The following MOB3A variants were observed in gnomAD, a reference collection of about 807,000 sequenced individuals.
The protein encoded by MOB3A is MOB kinase activator 3A, also known as MOB LAK.
In MOB3A, 17 loss-of-function variants were observed where a neutral mutation model predicts 17.8. The observed-to-expected ratio is 0.95, with a 90% CI of 0.65 to 1.43. The LOEUF (loss-of-function observed/expected upper bound fraction) is 1.43. Among genes scored for constraint, MOB3A ranks in the 40% most tolerant of loss-of-function variants. The probability of loss-of-function intolerance (pLI) is 0.00; values close to 1 mark genes in which losing one functional copy is unlikely to be tolerated. For missense variants in MOB3A, 333 were observed against 310.8 expected (o/e 1.07, Z -0.54); for synonymous variants, 124 against 133.2 (o/e 0.93, Z 0.48).
At chr19:2,081,714 T>C (rs1002188831) in intron 2 of MOB3A, among the ~76,000 whole-genome samples, 1 of 151,858 alleles carries the variant, frequency 6.6e-6, no homozygotes, top group Admixed American at 6.6e-5. Context: ...TGAAACCCTG[T>C]CTCTACTAAA....
chr19:2,083,170 G>A (rs2017511020), intron 2 of MOB3A, among the ~76,000 whole-genome samples: 1 of 152,156 alleles, frequency 6.6e-6, no homozygotes, highest in African/African-American at 2.4e-5. Context: ...TCCCAAGGAA[G>A]GAGTAATCCC....
intron 4 of MOB3A, among the ~76,000 whole-genome samples, chr19:2,074,731 C>T (rs2017382379): frequency 6.7e-6 from 1 of 148,608 alleles, no homozygotes; most frequent in Non-Finnish European, 1.5e-5. Flanking sequence ...TTTTTTTTTT[C>T]CCCTGAGACA....
In MOB3A at chr19:2,076,961, C is replaced by A. The variant is rs2017418394; in HGVS notation, c.474G>T (p.Arg158=). ...FLQTVRKILS[R]LFRVFVHVYI... ...AGACGTGCACGAACACGCGGAACAGCCGCGACAGGATCTTCCGCACCGTCT... is the reference window on the plus strand; with the variant it reads ...AGACGTGCACGAACACGCGGAACAGACGCGACAGGATCTTCCGCACCGTCT... The change falls in exon 4 of 5, where the codon CGG becomes CGT. Residue 158 remains arginine (R), a synonymous_variant. Coordinates refer to ENST00000357066, the MANE Select transcript of MOB3A (RefSeq NM_130807.3). The A allele has an allele frequency of 1.2e-6, 2 of 1,613,760 alleles. No homozygotes were observed. Among genetic ancestry groups the A allele is most frequent in the Non-Finnish European group, 1.7e-6 (2 of 1,180,012 alleles).
chr19:2,088,201 G>A (rs1363160038), intron 1 of MOB3A, among the ~76,000 whole-genome samples: 1 of 152,202 alleles, frequency 6.6e-6, no homozygotes, highest in Non-Finnish European at 1.5e-5. Context: ...CAGTGCCCAG[G>A]ATACCCCACC....
intron 1 of MOB3A, among the ~76,000 whole-genome samples, chr19:2,092,867 C>T (rs921890669): frequency 4.6e-5 from 7 of 152,158 alleles, no homozygotes; most frequent in Admixed American, 1.3e-4. Flanking sequence ...TGTGTGCAGC[C>T]AGGCACACGC....
At chr19:2,081,512 C>CG (rs1382020414) in intron 2 of MOB3A, among the ~76,000 whole-genome samples, 1 of 149,408 alleles carries the variant, frequency 6.7e-6, no homozygotes, top group Non-Finnish European at 1.5e-5. Flanking sequence ...CGCTTGAACC[C>CG]GGGGGACAAA....
Position 2,076,897 on chromosome 19 carries a change from C to T in MOB3A, c.538G>A (p.Glu180Lys). Residue 180 changes from glutamate to lysine, a missense_variant, in exon 4 of 5, where the codon GAG becomes AAG. Coordinates refer to ENST00000357066, the MANE Select transcript of MOB3A (RefSeq NM_130807.3). Reference sequence around the variant, plus strand: ...TTGTAGCAGGTGTTCACGTGGGCCTCGGAGCCCATCTGCGCGATGCGGTCA... The same window carrying T: ...TTGTAGCAGGTGTTCACGTGGGCCTTGGAGCCCATCTGCGCGATGCGGTCA... ...HFDRIAQMGS[E>K]AHVNTCYKHF... is the part of the protein sequence containing the mutation. 1.9e-6 allele frequency: 3 copies of T among 1,614,078 alleles called. No homozygotes were observed. The highest frequency in any genetic ancestry group is 1.7e-6 in the Non-Finnish European group (2 of 1,180,040).
chr19:2,087,276 G>C (rs1160024046), intron 1 of MOB3A, among the ~76,000 whole-genome samples: 1 of 152,204 alleles, frequency 6.6e-6, no homozygotes, highest in African/African-American at 2.4e-5. Flanking sequence ...TACAGTTCAG[G>C]AGTACAGTTA....
rs1213709875 is a variant in MOB3A at position 2,073,052 on chromosome 19, G to C, written c.*343C>G. On this transcript the variant is annotated 3_prime_UTR_variant, in exon 5 of 5. Transcript: ENST00000357066. ...CGAGGTGGAGGCAGAAGTTCCAGGA[G>C]CCTGGGAGCCACCCAGGGCAAGGAG... 5.8e-6 allele frequency: 2 copies of C among 342,944 alleles called. No individual in the cohort carries two copies. The highest frequency in any genetic ancestry group is 4.2e-5 in the African/African-American group (2 of 47,186). The allele number at this position is 342,944 out of a possible 1,614,324, so 21.2% of individuals were successfully genotyped here. A position where few individuals can be genotyped will look rare whatever the true frequency, so the allele number is the denominator to read the frequency against.
At chr19:2,083,925 GC>G (rs2017520855) in intron 2 of MOB3A, among the ~76,000 whole-genome samples, 1 of 151,990 alleles carries the variant, frequency 6.6e-6, no homozygotes, top group Non-Finnish European at 1.5e-5. Context: ...GTTCCCACAG[GC>G]CCCCGCTTGT....
chr19:2,081,888 A>T (rs1422029751), intron 2 of MOB3A, among the ~76,000 whole-genome samples: 1 of 152,178 alleles, frequency 6.6e-6, no homozygotes, highest in African/African-American at 2.4e-5. Flanking sequence ...TGTCTCAAAA[A>T]CACAACACAA....
chr19:2,092,724 C>T (rs1187448909), intron 1 of MOB3A, among the ~76,000 whole-genome samples: 1 of 136,844 alleles, frequency 7.3e-6, no homozygotes, highest in African/African-American at 2.8e-5. Flanking sequence ...CGCCACTGCA[C>T]TCCAGCCTGG....
At chr19:2,084,580 C>T (rs750310311) in intron 2 of MOB3A, among the ~76,000 whole-genome samples, 10 of 151,752 alleles carry the variant, frequency 6.6e-5, no homozygotes, top group Non-Finnish European at 1.2e-4. Context: ...TCACAGCAGA[C>T]GGTTTTTTTT....
chr19:2,075,139 C>G (rs528170556), intron 4 of MOB3A, among the ~76,000 whole-genome samples: 1 of 152,200 alleles, frequency 6.6e-6, no homozygotes, highest in South Asian at 2.1e-4. Context: ...AGCAATTCTC[C>G]TGTCTCAGCC....
intron 2 of MOB3A, among the ~76,000 whole-genome samples, chr19:2,079,731 T>C (rs796191345): frequency 1.1e-4 from 17 of 152,286 alleles, no homozygotes; most frequent in African/African-American, 3.9e-4. Flanking sequence ...GACCCCACGA[T>C]TGGGTGACCC....
At chr19:2,091,369 A>C (rs1223044786) in intron 1 of MOB3A, among the ~76,000 whole-genome samples, 6 of 152,152 alleles carry the variant, frequency 3.9e-5, no homozygotes, top group Non-Finnish European at 1.5e-5. Context: ...GTTGCAAAAC[A>C]GTATGGATAC....
At chr19:2,075,982 G>C (rs957684691) in intron 4 of MOB3A, among the ~76,000 whole-genome samples, 1 of 152,124 alleles carries the variant, frequency 6.6e-6, no homozygotes. Context: ...AATTAGCGGG[G>C]TGTGGTGGCA....
intron 2 of MOB3A, among the ~76,000 whole-genome samples, chr19:2,080,446 C>G (rs2017472980): frequency 6.6e-6 from 1 of 152,038 alleles, no homozygotes; most frequent in African/African-American, 2.4e-5. Flanking sequence ...AGCGCGATCT[C>G]AGCTCACTGC....
chr19:2,095,768 T>C (rs1296394018), intron 1 of MOB3A, among the ~76,000 whole-genome samples: 3 of 150,944 alleles, frequency 2.0e-5, no homozygotes, highest in African/African-American at 7.3e-5. Context: ...TTTTTTTTTT[T>C]TCCCCCGCTC....
Sources: allele counts gnomAD v4.1 joint callset (sites outside exome capture counted in the v4.1 genomes callset), GRCh38; gene constraint gnomAD v4.1.1; transcripts MANE v1.5; gene names NCBI Gene and HGNC (gene_info 2026-07-23, HGNC 2026-07-21).